BLTP1: variants seen among roughly 807,000 people sequenced by gnomAD.
BLTP1 encodes the protein fragile site-associated protein.
chr4:122,353,003 T>C, the BLTP1 span: 1 of 1,614,110 alleles, frequency 6.2e-7, no homozygotes, highest in Non-Finnish European at 8.5e-7. This position sits in a 1 kb window ranked among gnomAD's most constrained non-coding sequence, Gnocchi z 4.3. Flanking sequence ...GAAGATGGAA[T>C]GCAATTTGGA....
the BLTP1 span, among the ~76,000 whole-genome samples, chr4:122,158,232 C>T: frequency 6.6e-6 from 1 of 152,090 alleles, no homozygotes; most frequent in Non-Finnish European, 1.5e-5. Context: ...ATGAAAAAAG[C>T]ATAAATGAAG....
At chr4:122,198,417 A>G in the BLTP1 span, 1 of 985,366 alleles carries the variant, frequency 1.0e-6, no homozygotes. Flanking sequence ...TGGGGTATAA[A>G]GGCAGTTGAG....
chr4:122,204,717 T>C, the BLTP1 span: 1 of 504,586 alleles, frequency 2.0e-6, no homozygotes, highest in Non-Finnish European at 2.6e-6. Flanking sequence ...TATTGTAGAG[T>C]TGGTTATATC....
At chr4:122,260,716 T>C in the BLTP1 span, among the ~76,000 whole-genome samples, 5 of 151,982 alleles carry the variant, frequency 3.3e-5, no homozygotes, top group Admixed American at 3.3e-4. Flanking sequence ...ATTTCCATAT[T>C]GAGGAATTCA....
chr4:122,243,631 C>A, the BLTP1 span, among the ~76,000 whole-genome samples: 2 of 152,206 alleles, frequency 1.3e-5, no homozygotes, highest in East Asian at 1.9e-4. Flanking sequence ...TGCCTGTAAT[C>A]CCAGCTACTT....
the BLTP1 span, chr4:122,277,005 A>G: frequency 2.0e-6 from 2 of 984,160 alleles, no homozygotes; most frequent in Non-Finnish European, 2.4e-6. Context: ...TGTAATTAAT[A>G]TGAAATATGT....
chr4:122,255,321 C>G, the BLTP1 span: 7 of 1,414,940 alleles, frequency 4.9e-6, no homozygotes, highest in Admixed American at 3.5e-5. Context: ...AAGGAATTCT[C>G]TATTCTGTTG....
the BLTP1 span, chr4:122,306,829 G>C: frequency 6.9e-6 from 2 of 288,532 alleles, no homozygotes; most frequent in Admixed American, 6.5e-5. Context: ...GAAGTAATGA[G>C]GAGCCATTTA....
chr4:122,319,112 T>C, the BLTP1 span, among the ~76,000 whole-genome samples: 2 of 152,118 alleles, frequency 1.3e-5, no homozygotes, highest in Admixed American at 6.5e-5. Flanking sequence ...TGTGTCTTTC[T>C]TTTTTTCTTA....
chr4:122,274,985 T>C, the BLTP1 span, among the ~76,000 whole-genome samples: 1 of 152,236 alleles, frequency 6.6e-6, no homozygotes, highest in Non-Finnish European at 1.5e-5. Flanking sequence ...AATCAGCAAC[T>C]CAGACAGGGC....
the BLTP1 span, chr4:122,349,623 T>A: frequency 6.2e-7 from 1 of 1,604,604 alleles, no homozygotes; most frequent in South Asian, 1.1e-5. The surrounding 1 kb of genome is among the most constrained non-coding windows in gnomAD (Gnocchi z 4.5). Context: ...TACATTGGAT[T>A]CAAGCATAAC....
At chr4:122,305,722 T>A in the BLTP1 span, 1 of 915,238 alleles carries the variant, frequency 1.1e-6, no homozygotes, top group South Asian at 5.0e-5. Context: ...ATTTCAAGTG[T>A]TTATGGTACA....
chr4:122,336,749 T>C, the BLTP1 span: 2 of 1,275,238 alleles, frequency 1.6e-6, no homozygotes, highest in Non-Finnish European at 2.1e-6. Context: ...ACGTATAGAA[T>C]GAAGGGCTAC....
the BLTP1 span, chr4:122,359,386 A>G: frequency 1.1e-6 from 1 of 917,548 alleles, no homozygotes; most frequent in Non-Finnish European, 1.3e-6. Flanking sequence ...ATCTCTAAGA[A>G]TTATCAATAA....
chr4:122,251,563 A>G, the BLTP1 span: 61 of 984,238 alleles, frequency 6.2e-5, no homozygotes, highest in Middle Eastern at 1.0e-3. Context: ...TAAAAATACA[A>G]TAGCTACTCA....
At chr4:122,217,340 C>CT in the BLTP1 span, among the ~76,000 whole-genome samples, 1 of 148,136 alleles carries the variant, frequency 6.8e-6, no homozygotes, top group Admixed American at 6.7e-5. Context: ...TATGCAGGTT[C>CT]TTTTTTGGTT....
the BLTP1 span, among the ~76,000 whole-genome samples, chr4:122,178,531 G>C: frequency 3.3e-5 from 5 of 152,266 alleles, no homozygotes; most frequent in African/African-American, 1.2e-4. Flanking sequence ...CAATATAACA[G>C]CTATGATAAG....
the BLTP1 span, among the ~76,000 whole-genome samples, chr4:122,203,608 A>G: frequency 1.3e-5 from 2 of 151,888 alleles, no homozygotes; most frequent in Admixed American, 6.6e-5. Flanking sequence ...TGATAAGACT[A>G]TCTGGTAATG....
the BLTP1 span, among the ~76,000 whole-genome samples, chr4:122,278,222 ACACTTTT>A: frequency 6.6e-6 from 1 of 152,086 alleles, no homozygotes; most frequent in Non-Finnish European, 1.5e-5. Flanking sequence ...CAAGTTCAAG[ACACTTTT>A]CTAATCAGTG....
Sources: allele counts gnomAD v4.1 joint callset (sites outside exome capture counted in the v4.1 genomes callset), GRCh38; gene constraint gnomAD v4.1.1; non-coding constraint Gnocchi (gnomAD v3.1); transcripts MANE v1.5; gene names NCBI Gene and HGNC (gene_info 2026-07-23, HGNC 2026-07-21).